The following EXOC4 variants were observed in gnomAD, a reference collection of about 807,000 sequenced individuals.
EXOC4 encodes SEC8-like 1.
A neutral mutation model predicts 107.2 loss-of-function variants in EXOC4; 71 were observed. The ratio of observed to expected loss-of-function variants is 0.66; its 90% confidence interval spans 0.55 to 0.81. The LOEUF is 0.81. Among genes scored for constraint, EXOC4 ranks in the 30% least tolerant of loss-of-function variants. EXOC4 has a pLI of 0.00. For missense variants in EXOC4, 1,108 were observed against 1,189.6 expected, an observed-to-expected ratio of 0.93 and a Z score of 1.01; for synonymous variants, 456 against 441.2, an observed-to-expected ratio of 1.03 and a Z score of -0.42.
intron 7 of EXOC4, among the ~76,000 whole-genome samples, chr7:133,465,838 A>G (rs1198797660): frequency 6.6e-6 from 1 of 152,154 alleles, no homozygotes; most frequent in Non-Finnish European, 1.5e-5. Context: ...CAAGAGCTAG[A>G]AAAAGGAGAA....
At chr7:133,858,485 G>C (rs935880881) in intron 11 of EXOC4, among the ~76,000 whole-genome samples, 3 of 152,122 alleles carry the variant, frequency 2.0e-5, no homozygotes, top group African/African-American at 7.2e-5. Context: ...CTCACTGTGG[G>C]TAGTGGATTC....
chr7:133,480,973 C>T (rs1338596449), intron 9 of EXOC4: 1 of 150,802 alleles, frequency 6.6e-6, no homozygotes, highest in African/African-American at 2.4e-5. Flanking sequence ...TTGCTTGAGC[C>T]TGAGAGGCAG....
rs1410026300 is a variant in EXOC4 at position 134,064,529 on chromosome 7, C to T, written c.*1C>T. 4 of 1,583,580 alleles carry T rather than the reference C, an allele frequency of 2.5e-6. No homozygotes were observed. Among genetic ancestry groups the T allele is most frequent in the South Asian group, 2.3e-5 (2 of 87,816 alleles). On this transcript the variant is annotated 3_prime_UTR_variant, in exon 18 of 18. Coordinates refer to ENST00000253861, the MANE Select transcript of EXOC4 (RefSeq NM_021807.4). ...GGACAAGAAGATAACTACCGTTTAG[C>T]AGGGCGTACTGCGGTTGGTGACGGG...
intron 9 of EXOC4, among the ~76,000 whole-genome samples, chr7:133,566,820 T>C (rs1256681438): frequency 1.3e-5 from 2 of 152,242 alleles, no homozygotes; most frequent in African/African-American, 4.8e-5. Flanking sequence ...TGTTTTTAGA[T>C]GATTTTATGG....
At position 133,480,072 on chromosome 7, in the gene EXOC4, A is replaced by T; in HGVS notation, c.1351A>T (p.Ile451Phe). 1 of 1,613,998 alleles carries T rather than the reference A, an allele frequency of 6.2e-7. No homozygotes were observed. Among genetic ancestry groups the T allele is most frequent in the Non-Finnish European group, 8.5e-7 (1 of 1,179,890 alleles). Residue 451 changes from isoleucine to phenylalanine, a missense_variant, in exon 9 of 18, where the codon ATC becomes TTC. Ile to Phe is a conservative substitution (Grantham distance 21). Transcript: ENST00000253861. ...CAGGTTCGAATCGTCCTCCCATGCCATCAGTATGAGCGCCTATCTGCGAGA... is the reference window on the plus strand; with the variant it reads ...CAGGTTCGAATCGTCCTCCCATGCCTTCAGTATGAGCGCCTATCTGCGAGA... ...LFKFESSSHA[I>F]SMSAYLREQR...
At chr7:133,523,751 G>C (rs1800026269) in intron 9 of EXOC4, among the ~76,000 whole-genome samples, 1 of 152,056 alleles carries the variant, frequency 6.6e-6, no homozygotes, top group African/African-American at 2.4e-5. Context: ...TTTCATCCAT[G>C]TCCCTACAAA....
chr7:133,322,457 C>T (rs964205792), intron 5 of EXOC4, among the ~76,000 whole-genome samples: 2 of 152,164 alleles, frequency 1.3e-5, no homozygotes, highest in Non-Finnish European at 2.9e-5. Context: ...TTTCCCAACA[C>T]CATTTATTAC....
chr7:134,091,803 G>A, the EXOC4 span, among the ~76,000 whole-genome samples: 99 of 152,258 alleles, frequency 6.5e-4, no homozygotes, highest in African/African-American at 2.4e-3. Flanking sequence ...GCATTATACA[G>A]GGGCCTATCT....
At chr7:133,483,326 T>TA (rs1563082740) in intron 9 of EXOC4, among the ~76,000 whole-genome samples, 1 of 152,186 alleles carries the variant, frequency 6.6e-6, no homozygotes, top group Non-Finnish European at 1.5e-5. Flanking sequence ...AGGGTATACA[T>TA]ATATGGTTTT....
chr7:134,045,702 A>G (rs1375941517), intron 17 of EXOC4, among the ~76,000 whole-genome samples: 2 of 152,194 alleles, frequency 1.3e-5, no homozygotes, highest in African/African-American at 2.4e-5. Flanking sequence ...TTGTACAGCC[A>G]TCATCACCAG....
chr7:133,480,281 T>G (rs1320562601), intron 9 of EXOC4, 143 bp downstream of exon 9: 12 of 1,475,778 alleles, frequency 8.1e-6, no homozygotes, highest in Non-Finnish European at 8.1e-6. Flanking sequence ...TTCTGTAATT[T>G]CCCAGCATCT....
rs999323384 is a variant in EXOC4 at position 133,375,092 on chromosome 7, CTATCTT to C, written c.1182+91_1182+96del. ...CAGCAACAACAAGCCACCTAAAACA[CTATCTT>C]AAGAGTCATAAACAGGGTGAGAAAG... On this transcript the variant is annotated intron_variant, in intron 7 of 17. Transcript: ENST00000253861. The C allele has an allele frequency of 1.6e-5, 17 of 1,049,308 alleles. No individual in the cohort carries two copies. In the African/African-American group the frequency reaches 2.7e-4, roughly 17 times the overall value. The allele number at this position is 1,049,308 out of a possible 1,614,324, so 65.0% of individuals were successfully genotyped here.
intron 10 of EXOC4, among the ~76,000 whole-genome samples, chr7:133,642,167 T>C (rs550143549): frequency 6.6e-6 from 1 of 152,298 alleles, no homozygotes; most frequent in African/African-American, 2.4e-5. Context: ...ATTCATTCTT[T>C]TTTTTCCAGC....
chr7:133,682,092 C>G (rs1393314450), intron 10 of EXOC4, among the ~76,000 whole-genome samples: 1 of 151,972 alleles, frequency 6.6e-6, no homozygotes, highest in African/African-American at 2.4e-5. Flanking sequence ...GAGATGGGAT[C>G]TTGCCCTGTT....
At chr7:133,615,943 G>A (rs1443581280) in intron 9 of EXOC4, among the ~76,000 whole-genome samples, 1 of 152,150 alleles carries the variant, frequency 6.6e-6, no homozygotes, top group Non-Finnish European at 1.5e-5. Context: ...TTTAGAAACT[G>A]TTGATAAGTA....
chr7:134,013,431 C>G (rs1307813529), intron 17 of EXOC4, among the ~76,000 whole-genome samples: 1 of 152,120 alleles, frequency 6.6e-6, no homozygotes, highest in East Asian at 1.9e-4. Context: ...CAACAGGAGC[C>G]TAGGAGACAT....
chr7:133,364,234 G>A (rs1005711732), intron 6 of EXOC4, among the ~76,000 whole-genome samples: 4 of 151,894 alleles, frequency 2.6e-5, no homozygotes, highest in African/African-American at 9.7e-5. Context: ...GGGCTCAAGA[G>A]ATCCTCCTGC....
At chr7:133,737,408 G>T (rs2345947) in intron 10 of EXOC4, among the ~76,000 whole-genome samples, 149,560 of 150,432 alleles carry the variant, frequency 0.99, 74,344 homozygotes, top group South Asian at 1. Context: ...TTTTTTTTTT[G>T]GACATTTCTT....
chr7:133,997,676 T>C lies in EXOC4; in HGVS notation c.2348+43T>C. 1.9e-6 allele frequency: 3 copies of C among 1,590,664 alleles called. No individual in the cohort carries two copies. In the South Asian group the frequency reaches 3.4e-5, roughly 18 times the overall value. Reference sequence around the variant, plus strand: ...CCAGGACCTTGCAATTTGAATGCACTGCGGTTCATAAATCACTTGCTTATT... The same window carrying C: ...CCAGGACCTTGCAATTTGAATGCACCGCGGTTCATAAATCACTTGCTTATT... On this transcript the variant is annotated intron_variant, in intron 15 of 17. Transcript: ENST00000253861.
Sources: allele counts gnomAD v4.1 joint callset (sites outside exome capture counted in the v4.1 genomes callset), GRCh38; gene constraint gnomAD v4.1.1; transcripts MANE v1.5; gene names NCBI Gene and HGNC (gene_info 2026-07-23, HGNC 2026-07-21).